Variants in GLUL observed in about 807,000 individuals in gnomAD.
The protein encoded by GLUL is glutamate-ammonia ligase, also known as glutamine synthetase.
A neutral mutation model predicts 36.9 loss-of-function variants in GLUL; 8 were observed. That is an observed-to-expected ratio of 0.22 (90% CI 0.13 to 0.39). The LOEUF (loss-of-function observed/expected upper bound fraction) is 0.39. Among genes scored for constraint, GLUL ranks in the 10% least tolerant of loss-of-function variants. GLUL has a pLI of 1.00. For synonymous variants in GLUL, 182 were observed against 172.8 expected (o/e 1.05, Z -0.42); for missense variants, 315 against 501.8 (o/e 0.63, Z 3.56).
In GLUL at chr1:182,384,149, C is replaced by T. The variant is rs917822489; in HGVS notation, c.*256G>A. Reference sequence around the variant, plus strand: ...TAAATGGAAGCAGTGGTTATGTCTCCCCACCCTCCTCCCCACTAATGCACT... The same window carrying T: ...TAAATGGAAGCAGTGGTTATGTCTCTCCACCCTCCTCCCCACTAATGCACT... On this transcript the variant is annotated 3_prime_UTR_variant, in exon 7 of 7. Coordinates refer to ENST00000331872, the MANE Select transcript of GLUL (RefSeq NM_001033044.4). The T allele has an allele frequency of 2.1e-6, 1 of 473,722 alleles. No homozygotes were observed. Among genetic ancestry groups the T allele is most frequent in the African/African-American group, 2.0e-5 (1 of 50,718 alleles). The allele number at this position is 473,722 out of a possible 1,614,324, so 29.3% of individuals were successfully genotyped here.
intron 1 of GLUL, chr1:182,390,377 C>T (rs1349786418): frequency 2.5e-6 from 1 of 397,964 alleles, no homozygotes; most frequent in Non-Finnish European, 4.4e-6. Flanking sequence ...CCTAGTGCCA[C>T]TCTATCAACT....
intron 6 of GLUL, 114 bp from the exon 7 acceptor site, chr1:182,384,837 G>GC: frequency 1.3e-6 from 1 of 786,550 alleles, no homozygotes; most frequent in Non-Finnish European, 2.2e-6. Flanking sequence ...GGCAGTGGCT[G>GC]CATCTTCTTA....
intron 5 of GLUL, 97 bp from the exon 6 acceptor site, chr1:182,385,653 G>T: frequency 6.4e-7 from 1 of 1,552,250 alleles, no homozygotes; most frequent in Non-Finnish European, 8.9e-7. Context: ...ACTCCAACCC[G>T]TTCTTAGGTT....
In GLUL at chr1:182,384,205, GGGTA is replaced by G. The variant is rs1225912047; in HGVS notation, c.*196_*199del. 3.4e-6 allele frequency: 2 copies of G among 595,064 alleles called. No homozygotes were observed. Among genetic ancestry groups the G allele is most frequent in the South Asian group, 1.9e-5 (1 of 51,746 alleles). The allele number at this position is 595,064 out of a possible 1,614,324, so 36.9% of individuals were successfully genotyped here. A position where few individuals can be genotyped will look rare whatever the true frequency, so the allele number is the denominator to read the frequency against. On this transcript the variant is annotated 3_prime_UTR_variant, in exon 7 of 7. Coordinates refer to ENST00000331872, the MANE Select transcript of GLUL (RefSeq NM_001033044.4). Reference sequence around the variant, plus strand: ...GCTTCAGTGATAGGGAAAAAAAGGAGGGTAGGTGTGAAGAAATTAATAACTTGAC... The same window carrying G: ...GCTTCAGTGATAGGGAAAAAAAGGAGGGTGTGAAGAAATTAATAACTTGAC...
At position 182,384,717 on chromosome 1, in the gene GLUL, G is replaced by A. The variant is rs753853643; in HGVS notation, c.810C>T (p.Ile270=). The change falls in exon 7 of 7, where the codon ATC becomes ATT. Residue 270 remains isoleucine, a synonymous_variant. Transcript: ENST00000331872. ...AMREENGLKY[I]EEAIEKLSKR... is the part of the protein sequence containing the mutation. ...TGCTTAGTTTCTCAATGGCCTCCTC[G>A]ATGTACCTAGAGTAAACAGAAAAGA... The A allele has an allele frequency of 2.5e-6, 4 of 1,613,062 alleles. No individual in the cohort carries two copies. Among genetic ancestry groups the A allele is most frequent in the East Asian group, 2.2e-5 (1 of 44,882 alleles).
intron 4 of GLUL, 29 bp downstream of exon 4, chr1:182,386,226 GA>G (rs1292164059): frequency 6.2e-7 from 1 of 1,604,552 alleles, no homozygotes; most frequent in Non-Finnish European, 8.5e-7. Flanking sequence ...ACACTTCTGG[GA>G]ATTTCACCTC....
In GLUL at chr1:182,384,682, T is replaced by C. The variant is rs769473505; in HGVS notation, c.845A>G (p.Gln282Arg). 10 of 1,614,038 alleles carry C rather than the reference T, an allele frequency of 6.2e-6. No individual in the cohort carries two copies. In the African/African-American group the frequency reaches 1.3e-4, roughly 22 times the overall value. Residue 282 changes from glutamine to arginine, a missense_variant, in exon 7 of 7, where the codon CAG becomes CGG. Coordinates refer to ENST00000331872, the MANE Select transcript of GLUL (RefSeq NM_001033044.4). The part of the protein sequence containing the change: ...EAIEKLSKRH[Q>R]YHIRAYDPKG... ...GGGATCATAGGCACGGATGTGGTAC[T>C]GGTGCCGCTTGCTTAGTTTCTCAAT...
chr1:182,384,615 A>G lies in GLUL; in HGVS notation c.912T>C (p.His304=), dbSNP rs1650090665. 16 of 1,614,166 alleles carry G rather than the reference A, an allele frequency of 9.9e-6. No homozygotes were observed. The highest frequency in any genetic ancestry group is 1.4e-5 in the Non-Finnish European group (16 of 1,180,004). Residue 304 remains histidine, a synonymous_variant, in exon 7 of 7, where the codon CAT becomes CAC. Coordinates refer to ENST00000331872, the MANE Select transcript of GLUL (RefSeq NM_001033044.4). ...LDNARRLTGF[H]ETSNINDFSA... is the part of the protein sequence containing the mutation. Reference sequence around the variant, plus strand: ...AAAAGTCGTTGATGTTGGAGGTTTCATGGAATCCAGTTAGACGTCGGGCAT... The same window carrying G: ...AAAAGTCGTTGATGTTGGAGGTTTCGTGGAATCCAGTTAGACGTCGGGCAT...
chr1:182,391,088 G>T (rs7539686), intron 1 of GLUL: 226,405 of 398,210 alleles, frequency 0.57, 66,466 homozygotes, highest in East Asian at 0.78. Context: ...CACTGACTGC[G>T]CCGAGGCCCG....
intron 1 of GLUL, chr1:182,390,362 A>C (rs1558166214): frequency 1.0e-5 from 4 of 397,826 alleles, no homozygotes; most frequent in Non-Finnish European, 1.3e-5. Context: ...GTTGCATGCC[A>C]GCAGCCTAGT....
intron 4 of GLUL, 64 bp downstream of exon 4, chr1:182,386,192 G>A (rs771404333): frequency 1.4e-6 from 2 of 1,460,678 alleles, no homozygotes; most frequent in African/African-American, 1.4e-5. Context: ...CCATCCCTGG[G>A]AAGGGGCATT....
rs971540989 is a variant in GLUL at position 182,380,555 on chromosome 1, C to A, written c.*3850G>T. On this transcript the variant is annotated 3_prime_UTR_variant, in exon 7 of 7. Coordinates refer to ENST00000331872, the MANE Select transcript of GLUL (RefSeq NM_001033044.4). The stretch of plus-strand genomic sequence containing the variant: ...AAGAGATCCTCCTGCTGCAGCCTCA[C>A]AAAGTGTTGGGATCACAGGCGTAAG... Among the ~76,000 whole-genome samples the A allele has an allele frequency of 6.6e-6, 1 of 152,220 alleles. No homozygotes were observed. Among genetic ancestry groups the A allele is most frequent in the Non-Finnish European group, 1.5e-5 (1 of 68,038 alleles).
At chr1:182,390,496 C>A (rs1650363376) in intron 1 of GLUL, 5 of 399,184 alleles carry the variant, frequency 1.3e-5, no homozygotes, top group African/African-American at 8.2e-5. Flanking sequence ...CCCTCACTCA[C>A]CCCAGCCACA....
At chr1:182,390,226 A>G in intron 1 of GLUL, 1 of 248,072 alleles carries the variant, frequency 4.0e-6, no homozygotes, top group Non-Finnish European at 7.2e-6. Flanking sequence ...CTCTGTCGGA[A>G]AACAAAAAAA....
In GLUL at chr1:182,382,203, G is replaced by C. The variant is rs1649957245; in HGVS notation, c.*2202C>G. 1 of 152,086 alleles carries C rather than the reference G, an allele frequency of 6.6e-6. No individual in the cohort carries two copies. The highest frequency in any genetic ancestry group is 1.5e-5 in the Non-Finnish European group (1 of 68,008). 9.4% of individuals were successfully genotyped at this position (152,086 alleles called of 1,614,324 possible). On this transcript the variant is annotated 3_prime_UTR_variant, in exon 7 of 7. Coordinates refer to ENST00000331872, the MANE Select transcript of GLUL (RefSeq NM_001033044.4). ...CCAATGTGTCCAATAATTGCTTTTTGCTAGGTATATGCACAGCATCATGGG... is the reference window on the plus strand; with the variant it reads ...CCAATGTGTCCAATAATTGCTTTTTCCTAGGTATATGCACAGCATCATGGG...
Position 182,380,174 on chromosome 1 carries a change from C to T in GLUL, c.*4231G>A, listed in dbSNP as rs1305827928. On this transcript the variant is annotated 3_prime_UTR_variant, in exon 7 of 7. Coordinates refer to ENST00000331872, the MANE Select transcript of GLUL (RefSeq NM_001033044.4). ...TTATAACTCTTAAAGCAACACAAGG[C>T]TCTTGGTAGCCTGATTACAATGAGA... 1.3e-5 allele frequency among the ~76,000 whole-genome samples: 2 copies of T among 152,166 alleles called. No individual in the cohort carries two copies. Among genetic ancestry groups the T allele is most frequent in the Non-Finnish European group, 2.9e-5 (2 of 68,038 alleles).
intron 3 of GLUL, 30 bp downstream of exon 3, chr1:182,387,101 A>AG (rs1326478933): frequency 6.4e-7 from 1 of 1,562,150 alleles, no homozygotes; most frequent in Non-Finnish European, 8.8e-7. Flanking sequence ...CAGATTGAGG[A>AG]GGGGTATCCA....
chr1:182,387,237 G>A lies in GLUL; in HGVS notation c.222C>T (p.Asn74=), dbSNP rs370606415. 19 of 1,612,360 alleles carry A rather than the reference G, an allele frequency of 1.2e-5. No individual in the cohort carries two copies. The highest frequency in any genetic ancestry group is 1.6e-5 in the Non-Finnish European group (19 of 1,178,552). The change falls in exon 3 of 7, where the codon AAC becomes AAT. Residue 74 remains asparagine, a synonymous_variant. Coordinates refer to ENST00000331872, the MANE Select transcript of GLUL (RefSeq NM_001033044.4). ...GSSTLQSEGS[N]SDMYLVPAAM... ...CAGCAGGCACGAGATACATGTCACT[G>A]TTGGAACCCTCAGACTGTAAAGTAC...
Position 182,384,285 on chromosome 1 carries a change from TG to T in GLUL, c.*119del. The stretch of plus-strand genomic sequence containing the variant: ...AGCAAGATTAACTGGGCACATGGAA[TG>T]AAAAAAACGACCTTGATATTCCACC... On this transcript the variant is annotated 3_prime_UTR_variant, in exon 7 of 7. Transcript: ENST00000331872. The T allele has an allele frequency of 1.3e-6, 1 of 760,396 alleles. No individual in the cohort carries two copies. Among genetic ancestry groups the T allele is most frequent in the Non-Finnish European group, 2.3e-6 (1 of 427,192 alleles). The allele number at this position is 760,396 out of a possible 1,614,324, so 47.1% of individuals were successfully genotyped here. A position where few individuals can be genotyped will look rare whatever the true frequency, so the allele number is the denominator to read the frequency against.
Sources: gnomAD v4.1 joint callset for allele counts (sites outside exome capture counted in the v4.1 genomes callset) on GRCh38, gnomAD v4.1.1 for gene constraint, MANE v1.5 for transcripts, NCBI Gene and HGNC (gene_info 2026-07-23, HGNC 2026-07-21) for gene names.